ABCB1: variants seen among roughly 807,000 people sequenced by gnomAD.
ABCB1 encodes ATP binding cassette subfamily B member 1.
In ABCB1, 69 loss-of-function variants were observed where a neutral mutation model predicts 142.0. That is an observed-to-expected ratio of 0.49 (90% confidence interval 0.40 to 0.59). ABCB1 has a LOEUF of 0.59. Among genes scored for constraint, ABCB1 ranks in the 20% least tolerant of loss-of-function variants. ABCB1 has a pLI of 0.00. For missense variants in ABCB1, 1,326 were observed against 1,554.7 expected (o/e 0.85, Z 2.47); for synonymous variants, 532 against 539.2 (o/e 0.99, Z 0.18).
chr7:87,665,109 C>T (rs1825096373), intron 1 of ABCB1, among the ~76,000 whole-genome samples: 1 of 151,916 alleles, frequency 6.6e-6, no homozygotes, highest in Non-Finnish European at 1.5e-5. Flanking sequence ...AGCAATTATG[C>T]AAGAAAAATA....
chr7:87,649,187 C>G (rs1391049371), intron 1 of ABCB1, among the ~76,000 whole-genome samples: 1 of 151,660 alleles, frequency 6.6e-6, no homozygotes, highest in Non-Finnish European at 1.5e-5. Flanking sequence ...TGTTTTGTAT[C>G]CTGATTTTGA....
intron 1 of ABCB1, among the ~76,000 whole-genome samples, chr7:87,673,552 T>A (rs1279743382): frequency 6.6e-6 from 1 of 152,256 alleles, no homozygotes; most frequent in Non-Finnish European, 1.5e-5. Context: ...AGTGTGCATG[T>A]CTATCAGATC....
chr7:87,531,097 T>C (rs1484010733), intron 21 of ABCB1, among the ~76,000 whole-genome samples, 197 bp downstream of exon 21: 1 of 152,216 alleles, frequency 6.6e-6, no homozygotes, highest in East Asian at 1.9e-4. Flanking sequence ...AAGTTAATTA[T>C]CAGTTTTTGA....
intron 25 of ABCB1, 102 bp downstream of exon 25, chr7:87,515,129 T>C: frequency 2.1e-6 from 3 of 1,435,820 alleles, no homozygotes; most frequent in Non-Finnish European, 2.9e-6. Context: ...GGGACTGTTG[T>C]TTAAAGGTTT....
intron 1 of ABCB1, among the ~76,000 whole-genome samples, chr7:87,652,268 A>G (rs1319959983): frequency 3.9e-5 from 6 of 152,074 alleles, no homozygotes; most frequent in African/African-American, 1.4e-4. Flanking sequence ...ATAGAAAACT[A>G]TCAATAGCAA....
At chr7:87,507,999 G>A (rs1254532451) in intron 26 of ABCB1, among the ~76,000 whole-genome samples, 4 of 151,776 alleles carry the variant, frequency 2.6e-5, no homozygotes, top group African/African-American at 9.7e-5. Flanking sequence ...GAGGGAAGGG[G>A]GGTAAGTGTT....
chr7:87,549,826 A>G, intron 13 of ABCB1, 25 bp downstream of exon 13: 2 of 1,613,474 alleles, frequency 1.2e-6, no homozygotes, highest in Non-Finnish European at 1.7e-6. Context: ...CACCTCTAGA[A>G]AGGCAAAGGG....
At chr7:87,514,698 T>A (rs777930187) in intron 25 of ABCB1, among the ~76,000 whole-genome samples, 2 of 152,188 alleles carry the variant, frequency 1.3e-5, no homozygotes, top group Non-Finnish European at 2.9e-5. Context: ...ACATCTCCAT[T>A]TCTTCCCCTA....
chr7:87,571,770 C>T (rs2520464), intron 4 of ABCB1, among the ~76,000 whole-genome samples: 59,855 of 151,938 alleles, frequency 0.39, 12,609 homozygotes, highest in East Asian at 0.64. Flanking sequence ...GTATTCAGAC[C>T]GTAACTTTCC....
Position 87,645,783 on chromosome 7 carries a change from A to G in ABCB1, c.-330-44705T>C, listed in dbSNP as rs148225250. Among the ~76,000 whole-genome samples, 444 of 152,288 alleles carry G rather than the reference A, an allele frequency of 2.9e-3. 4 individuals are homozygous for G. Among genetic ancestry groups the G allele is most frequent in the African/African-American group, 0.01 (420 of 41,570 alleles). ...ATTCTCATTACTCTGGCATATACTC[A>G]TGACTAGCTATATGATTTTAGAGAA... On this transcript the variant is annotated intron_variant, in intron 1 of 28. Transcript: ENST00000265724.
chr7:87,557,838 T>G (rs1817368944), intron 8 of ABCB1, among the ~76,000 whole-genome samples: 1 of 152,176 alleles, frequency 6.6e-6, no homozygotes, highest in Non-Finnish European at 1.5e-5. Context: ...GCTAATAATG[T>G]CCTTAAAAAT....
chr7:87,531,289 C>T lies in ABCB1; in HGVS notation c.2685+5G>A. 1 of 1,610,962 alleles carries T rather than the reference C, an allele frequency of 6.2e-7. No homozygotes were observed. The highest frequency in any genetic ancestry group is 8.5e-7 in the Non-Finnish European group (1 of 1,177,692). ...AATTAATCAATCATATTTAGTTTGACTCACCTTCCCAGAACCTTCTAGTTC... is the reference window on the plus strand; with the variant it reads ...AATTAATCAATCATATTTAGTTTGATTCACCTTCCCAGAACCTTCTAGTTC... On this transcript the variant is annotated splice_donor_5th_base_variant and intron_variant, in intron 21 of 27. Coordinates refer to ENST00000622132, the MANE Select transcript of ABCB1 (RefSeq NM_001348946.2).
intron 1 of ABCB1, among the ~76,000 whole-genome samples, chr7:87,667,319 T>C (rs1045475156): frequency 6.6e-6 from 1 of 152,144 alleles, no homozygotes; most frequent in African/African-American, 2.4e-5. Flanking sequence ...ATGCTAGTGA[T>C]TTTTGTACAT....
intron 3 of ABCB1, among the ~76,000 whole-genome samples, chr7:87,590,161 C>T (rs1458896650): frequency 1.3e-5 from 2 of 152,156 alleles, no homozygotes; most frequent in Admixed American, 6.5e-5. Flanking sequence ...TAAGGTCAGG[C>T]TTGGTTCTAG....
At chr7:87,693,374 T>G (rs924046613) in intron 1 of ABCB1, among the ~76,000 whole-genome samples, 1 of 152,128 alleles carries the variant, frequency 6.6e-6, no homozygotes, top group Non-Finnish European at 1.5e-5. Flanking sequence ...TAACAATTCT[T>G]AGGCAAAAAA....
chr7:87,578,098 A>T (rs1164162078), intron 4 of ABCB1, among the ~76,000 whole-genome samples: 3 of 152,208 alleles, frequency 2.0e-5, no homozygotes, highest in African/African-American at 7.2e-5. Context: ...ATTTTTGTAT[A>T]TGGTGAGAGA....
intron 21 of ABCB1, chr7:87,521,164 A>T (rs1815487974): frequency 2.4e-6 from 1 of 421,324 alleles, no homozygotes; most frequent in Non-Finnish European, 4.3e-6. Flanking sequence ...TCGCAAAATT[A>T]ACCAGAGAAC....
intron 1 of ABCB1, chr7:87,627,746 G>C (rs565874354): frequency 1.3e-5 from 2 of 152,256 alleles, no homozygotes; most frequent in African/African-American, 4.8e-5. Flanking sequence ...CCCAGACCCG[G>C]ACTCCCGATT....
At chr7:87,636,335 G>A (rs931918317) in intron 1 of ABCB1, among the ~76,000 whole-genome samples, 4 of 152,164 alleles carry the variant, frequency 2.6e-5, no homozygotes, top group African/African-American at 9.7e-5. Context: ...ATGAAGTCAA[G>A]CACCTTTCCG....
Sources: allele counts gnomAD v4.1 joint callset (sites outside exome capture counted in the v4.1 genomes callset), GRCh38; gene constraint gnomAD v4.1.1; transcripts MANE v1.5; gene names NCBI Gene and HGNC (gene_info 2026-07-23, HGNC 2026-07-21).